TOGARAM2: variants seen among roughly 807,000 people sequenced by gnomAD.
TOGARAM2 encodes the protein TOG array regulator of axonemal microtubules protein 2.
TOGARAM2 carries 85 observed loss-of-function variants against 93.3 expected under a neutral mutation model. That is an observed-to-expected ratio of 0.91 (90% CI 0.76 to 1.09). The LOEUF (loss-of-function observed/expected upper bound fraction) is 1.09. TOGARAM2 is among the 50% of genes least tolerant of loss of function. TOGARAM2 has a pLI of 0.00. For missense variants in TOGARAM2, 1,277 were observed against 1,334.5 expected, an observed-to-expected ratio of 0.96 and a Z score of 0.67; for synonymous variants, 593 against 552.8, an observed-to-expected ratio of 1.07 and a Z score of -1.02.
Position 29,014,686 on chromosome 2 carries a change from G to A in TOGARAM2, c.1044+125G>A, listed in dbSNP as rs954858351. 16 of 1,271,352 alleles carry A rather than the reference G, an allele frequency of 1.3e-5. No individual in the cohort carries two copies. The Admixed American group carries it at 4.3e-4, about 34-fold the overall frequency. The allele number at this position is 1,271,352 out of a possible 1,614,324, so 78.8% of individuals were successfully genotyped here. On this transcript the variant is annotated intron_variant, in intron 8 of 19. Transcript: ENST00000379558. ...ACAGAGCAGAGCAAGGAGAGCCCGA[G>A]GCAGCCACCCAAGTACTAAAGGCCA...
intron 19 of TOGARAM2, chr2:29,047,492 G>A (rs971744047): frequency 1.3e-5 from 2 of 152,222 alleles, no homozygotes; most frequent in African/African-American, 4.8e-5. Context: ...TATTGACACA[G>A]GCGAGGCCTA....
chr2:28,970,010 A>C (rs1168154510), intron 1 of TOGARAM2, among the ~76,000 whole-genome samples: 1 of 151,878 alleles, frequency 6.6e-6, no homozygotes, highest in Non-Finnish European at 1.5e-5. Flanking sequence ...ATGGGGTTTC[A>C]CCATGTTGGT....
At chr2:28,960,364 A>T (rs897179851) in intron 1 of TOGARAM2, among the ~76,000 whole-genome samples, 4 of 152,038 alleles carry the variant, frequency 2.6e-5, no homozygotes, top group African/African-American at 9.7e-5. Context: ...CTGTCTAATT[A>T]TTTAATATTA....
chr2:29,017,946 C>A lies in TOGARAM2; in HGVS notation c.1350C>A (p.Arg450=). ...PISRQEPRFA[R]HASANSLPAV... ...GCCGGCAGGAGCCCCGCTTTGCCCG[C>A]CACGCCTCAGGTGGGCAGGCCCGAC... is the stretch of plus-strand genomic sequence containing the variant. Residue 450 remains arginine (R), a synonymous_variant, in exon 10 of 20, where the codon CGC becomes CGA. Transcript: ENST00000379558. 6.2e-7 allele frequency: 1 copy of A among 1,604,404 alleles called. No homozygotes were observed. Among genetic ancestry groups the A allele is most frequent in the Non-Finnish European group, 8.5e-7 (1 of 1,174,966 alleles).
chr2:29,033,036 G>A lies in TOGARAM2; in HGVS notation c.2115G>A (p.Ala705=), dbSNP rs376264991. ...LPSYDLQKVM[A]AIKQQGIEDN... is the part of the protein sequence containing the mutation. ...CTTACGACTTGCAGAAGGTCATGGCGGCCATTAAACAGCAGGTGAGCTGTG... is the reference window on the plus strand; with the variant it reads ...CTTACGACTTGCAGAAGGTCATGGCAGCCATTAAACAGCAGGTGAGCTGTG... The change falls in exon 15 of 20, where the codon GCG becomes GCA. Residue 705 remains alanine, a synonymous_variant. Transcript: ENST00000379558. 1.5e-4 allele frequency: 245 copies of A among 1,613,340 alleles called. No homozygotes were observed. The highest frequency in any genetic ancestry group is 1.9e-4 in the Non-Finnish European group (229 of 1,179,728).
intron 2 of TOGARAM2, among the ~76,000 whole-genome samples, chr2:28,997,680 C>T (rs1466966593): frequency 6.6e-6 from 1 of 152,192 alleles, no homozygotes; most frequent in Non-Finnish European, 1.5e-5. Context: ...ATTGGATGCT[C>T]TGTAACGGGT....
At chr2:28,977,490 T>C (rs1291185977), upstream of TOGARAM2, among the ~76,000 whole-genome samples, 1 of 152,148 alleles carries the variant, frequency 6.6e-6, no homozygotes, top group East Asian at 1.9e-4. Flanking sequence ...TGCCATACAA[T>C]GTATGGGGCT....
At chr2:29,032,769 A>G in intron 14 of TOGARAM2, 165 bp from the exon 15 acceptor site, 1 of 586,166 alleles carries the variant, frequency 1.7e-6, no homozygotes, top group Non-Finnish European at 3.0e-6. Context: ...ATTATAGATG[A>G]TGTTTATTTT....
At chr2:28,989,571 G>GT (rs1399250600) in intron 1 of TOGARAM2, among the ~76,000 whole-genome samples, 1 of 151,844 alleles carries the variant, frequency 6.6e-6, no homozygotes, top group Admixed American at 6.6e-5. Flanking sequence ...GCTAATTTTT[G>GT]TATTTTTGTA....
intron 1 of TOGARAM2, among the ~76,000 whole-genome samples, 162 bp from the exon 2 acceptor site, chr2:28,994,563 C>A (rs532138531): frequency 6.6e-6 from 1 of 152,196 alleles, no homozygotes; most frequent in Non-Finnish European, 1.5e-5. Context: ...CACTTGGGAA[C>A]TGAAACATTT....
At chr2:28,967,118 G>A (rs1671877762) in intron 1 of TOGARAM2, among the ~76,000 whole-genome samples, 1 of 152,174 alleles carries the variant, frequency 6.6e-6, no homozygotes, top group African/African-American at 2.4e-5. Context: ...TTGTACAAGT[G>A]AATGGGCATA....
intron 19 of TOGARAM2, 188 bp downstream of exon 19, chr2:29,045,598 G>T (rs1666698240): frequency 9.8e-6 from 6 of 614,186 alleles, no homozygotes; most frequent in Non-Finnish European, 1.8e-5. Context: ...CTTTGTTTTT[G>T]ATCAAAATGA....
At position 29,024,296 on chromosome 2, in the gene TOGARAM2, C is replaced by T; in HGVS notation, c.1775C>T (p.Ala592Val). 6.2e-7 allele frequency: 1 copy of T among 1,613,482 alleles called. No homozygotes were observed. Among genetic ancestry groups the T allele is most frequent in the Non-Finnish European group, 8.5e-7 (1 of 1,179,716 alleles). Reference protein sequence around the residue: ...ADTNEFIQRAAGQSLRAMVEN... With the variant: ...ADTNEFIQRAVGQSLRAMVEN... ...ACCAACGAGTTCATCCAGAGAGCAG[C>T]CGGCCAGTCTCTGAGGGCTATGGTG... Residue 592 changes from alanine (A) to valine (V), a missense_variant, in exon 13 of 20, where the codon GCC (alanine) becomes GTC (valine). Transcript: ENST00000379558.
chr2:29,007,914 C>A (rs1160634462), intron 6 of TOGARAM2, among the ~76,000 whole-genome samples: 1 of 151,904 alleles, frequency 6.6e-6, no homozygotes, highest in African/African-American at 2.4e-5. Flanking sequence ...TCTCTGCAAC[C>A]CCAACAGCCT....
At chr2:28,998,304 C>T (rs1272395776) in intron 3 of TOGARAM2, 51 bp downstream of exon 3, 35 of 1,356,008 alleles carry the variant, frequency 2.6e-5, no homozygotes, top group Non-Finnish European at 3.6e-5. Flanking sequence ...CATCCTGGAG[C>T]GGGGAGTGAG....
rs34500191 is a variant in TOGARAM2 at position 28,974,127 on chromosome 2, CT to C, written c.-147+17446del. On this transcript the variant is annotated intron_variant, in intron 1 of 6. Transcript: ENST00000401723. ...TTCTGAACTTTGATTATAATATATC[CT>C]TTTTTTTTTTTTTTTCTGAGGCGAA... Among the ~76,000 whole-genome samples, 186 of 127,204 alleles carry C rather than the reference CT, an allele frequency of 1.5e-3. 2 individuals are homozygous for C. The highest frequency in any genetic ancestry group is 4.9e-3 in the African/African-American group (166 of 33,564). The allele number at this position is 127,204 out of a possible 152,430, so 83.5% of individuals were successfully genotyped here. A position where few individuals can be genotyped will look rare whatever the true frequency, so the allele number is the denominator to read the frequency against.
At chr2:29,044,728 A>G (rs1200423958) in intron 18 of TOGARAM2, among the ~76,000 whole-genome samples, 1 of 151,948 alleles carries the variant, frequency 6.6e-6, no homozygotes, top group African/African-American at 2.4e-5. Context: ...CATAGATGAT[A>G]TCAGTATGTG....
At chr2:29,046,733 A>G (rs1486578660) in intron 19 of TOGARAM2, 1 of 152,310 alleles carries the variant, frequency 6.6e-6, no homozygotes, top group East Asian at 1.9e-4. Flanking sequence ...GGAGCCCAGG[A>G]TGTGTCCTGG....
At chr2:28,962,212 G>T (rs1671812277) in intron 1 of TOGARAM2, among the ~76,000 whole-genome samples, 1 of 147,292 alleles carries the variant, frequency 6.8e-6, no homozygotes, top group African/African-American at 2.5e-5. Context: ...GTCTCGCTCT[G>T]TCACCCAGGC....
Sources: allele counts gnomAD v4.1 joint callset (sites outside exome capture counted in the v4.1 genomes callset), GRCh38; gene constraint gnomAD v4.1.1; transcripts MANE v1.5; gene names NCBI Gene and HGNC (gene_info 2026-07-23, HGNC 2026-07-21).